The following MAGI2 variants were observed in gnomAD, a reference collection of about 807,000 sequenced individuals.
MAGI2 encodes membrane-associated guanylate kinase, WW and PDZ domain-containing protein 2.
In MAGI2, 35 loss-of-function variants were observed where a neutral mutation model predicts 133.3. The ratio of observed to expected loss-of-function variants is 0.26; its 90% CI spans 0.20 to 0.35. MAGI2 has a LOEUF of 0.35. Among genes scored for constraint, MAGI2 ranks in the 10% least tolerant of loss-of-function variants. The pLI is 1.00. For synonymous variants in MAGI2, 729 were observed against 710.6 expected (o/e 1.03, Z -0.41); for missense variants, 1,636 against 1,863.4 (o/e 0.88, Z 2.25).
chr7:78,680,631 G>A (rs1191118441), intron 2 of MAGI2, among the ~76,000 whole-genome samples: 1 of 152,120 alleles, frequency 6.6e-6, no homozygotes, highest in African/African-American at 2.4e-5. Context: ...GAGTAATTCT[G>A]TTTTTAATAA....
chr7:79,217,992 GA>G (rs559463486), intron 1 of MAGI2, among the ~76,000 whole-genome samples: 1 of 151,380 alleles, frequency 6.6e-6, no homozygotes, highest in Non-Finnish European at 1.5e-5. Flanking sequence ...CTTTTGATTT[GA>G]AAAAAAAGTA....
At chr7:78,487,205 T>C (rs975420) in intron 6 of MAGI2, 164,571 of 237,896 alleles carry the variant, frequency 0.69, 60,050 homozygotes, top group African/African-American at 0.93. Flanking sequence ...AAATACCAAA[T>C]AGCATTGCTA....
intron 1 of MAGI2, among the ~76,000 whole-genome samples, chr7:79,246,572 T>C (rs1409302054): frequency 6.6e-6 from 1 of 152,030 alleles, no homozygotes; most frequent in Non-Finnish European, 1.5e-5. Context: ...ATTAGTGAGC[T>C]TGAAGACAGG....
chr7:78,032,009 CTTTTTTT>C (rs377672697), intron 21 of MAGI2, among the ~76,000 whole-genome samples: 1 of 124,200 alleles, frequency 8.1e-6, no homozygotes, highest in East Asian at 2.5e-4. Context: ...AGCCCCCCCA[CTTTTTTT>C]TTTTTTTTTT....
Position 78,194,978 on chromosome 7 carries a change from G to A in MAGI2, c.2165C>T (p.Ala722Val), listed in dbSNP as rs1457451079. 6.2e-7 allele frequency: 1 copy of A among 1,614,110 alleles called. No individual in the cohort carries two copies. The change falls in exon 12 of 22, where the codon GCC becomes GTC. Residue 722 changes from alanine (A) to valine (V), a missense_variant. Ala to Val is a moderately conservative substitution (Grantham distance 64, BLOSUM62 0). Coordinates refer to ENST00000354212, the MANE Select transcript of MAGI2 (RefSeq NM_012301.4). ...AIPQNLPFPP[A>V]LHRSSFPDST... ...GTCAGGAAAGGAGCTCCTGTGAAGG[G>A]CAGGTGGGAAGGGCAGGTTCTGCGG...
intron 20 of MAGI2, among the ~76,000 whole-genome samples, chr7:78,119,999 G>A (rs1479476814): frequency 2.0e-5 from 3 of 152,124 alleles, no homozygotes; most frequent in East Asian, 3.8e-4. Flanking sequence ...CTACATAAAT[G>A]GATTACATCA....
rs539213571 is a variant in MAGI2, at chr7:79,125,773, G to A, written c.302-118567C>T. The A allele has an allele frequency of 5.8e-6, 3 of 518,698 alleles. No individual in the cohort carries two copies. In the Admixed American group the frequency reaches 5.9e-5, roughly 10 times the overall value. The allele number at this position is 518,698 out of a possible 1,614,324, so 32.1% of individuals were successfully genotyped here. A position where few individuals can be genotyped will look rare whatever the true frequency, so the allele number is the denominator to read the frequency against. ...AAGCCACAAAATCAAGATGGCTGGG[G>A]TGGTTCCAGTGGCAGCAGTAGCTAT... On this transcript the variant is annotated intron_variant, in intron 1 of 21. Coordinates refer to ENST00000354212, the MANE Select transcript of MAGI2 (RefSeq NM_012301.4).
intron 2 of MAGI2, among the ~76,000 whole-genome samples, chr7:78,808,675 T>C (rs535965966): frequency 5.3e-5 from 8 of 152,260 alleles, no homozygotes; most frequent in African/African-American, 1.9e-4. Context: ...AGGGATACAC[T>C]GAGGAAACGC....
intron 10 of MAGI2, among the ~76,000 whole-genome samples, chr7:78,238,539 A>T (rs968050640): frequency 2.6e-5 from 4 of 151,856 alleles, no homozygotes; most frequent in African/African-American, 9.7e-5. Flanking sequence ...TGTCTCAAAA[A>T]AAAAATCTTT....
In MAGI2 at chr7:78,125,601, C is replaced by A. The variant is rs1008379851; in HGVS notation, c.3567+93G>T. The A allele has an allele frequency of 2.2e-6, 3 of 1,360,014 alleles. No homozygotes were observed. In the South Asian group the frequency reaches 4.6e-5, roughly 21 times the overall value. The allele number at this position is 1,360,014 out of a possible 1,614,324, so 84.2% of individuals were successfully genotyped here. A position where few individuals can be genotyped will look rare whatever the true frequency, so the allele number is the denominator to read the frequency against. ...TAGAAAGAGGGCAAACCTACAGCAA[C>A]CCCGCTTGACAGCATGCTTCAGTAC... On this transcript the variant is annotated intron_variant, in intron 20 of 21. Transcript: ENST00000354212.
chr7:78,404,980 T>C (rs1055184823), intron 6 of MAGI2, among the ~76,000 whole-genome samples: 1 of 151,768 alleles, frequency 6.6e-6, no homozygotes, highest in African/African-American at 2.4e-5. Context: ...AAGAAAAAAA[T>C]CAAACAACCC....
At chr7:78,602,448 C>T (rs908222947) in intron 3 of MAGI2, among the ~76,000 whole-genome samples, 7 of 152,204 alleles carry the variant, frequency 4.6e-5, no homozygotes, top group Non-Finnish European at 7.3e-5. Flanking sequence ...GCATGAGCCA[C>T]CATACCCGGC....
chr7:79,434,429 A>C (rs1848001190), intron 1 of MAGI2, among the ~76,000 whole-genome samples: 1 of 152,228 alleles, frequency 6.6e-6, no homozygotes, highest in Admixed American at 6.5e-5. Flanking sequence ...TGATAGTAAA[A>C]AAACTAGGAA....
chr7:78,586,105 A>T (rs893736899), intron 3 of MAGI2, among the ~76,000 whole-genome samples: 1 of 152,202 alleles, frequency 6.6e-6, no homozygotes, highest in African/African-American at 2.4e-5. Flanking sequence ...TCAACCTGTT[A>T]CCTGATTAGC....
At chr7:78,964,249 T>C (rs1803112910) in intron 2 of MAGI2, among the ~76,000 whole-genome samples, 1 of 152,082 alleles carries the variant, frequency 6.6e-6, no homozygotes, top group African/African-American at 2.4e-5. Flanking sequence ...AGTTTGAATT[T>C]TGCAGATTTT....
At chr7:79,347,001 C>T (rs1002794467) in intron 1 of MAGI2, among the ~76,000 whole-genome samples, 3 of 151,914 alleles carry the variant, frequency 2.0e-5, no homozygotes, top group Non-Finnish European at 2.9e-5. Flanking sequence ...TTTTCAGATT[C>T]CCTGGAAATG....
Position 78,054,159 on chromosome 7 carries a change from T to G in MAGI2, c.3706+24788A>C, listed in dbSNP as rs529180725. Among the ~76,000 whole-genome samples the G allele has an allele frequency of 3.9e-5, 6 of 152,358 alleles. No individual in the cohort carries two copies. The South Asian group carries it at 1.2e-3, about 32-fold the overall frequency. Reference sequence around the variant, plus strand: ...TTATTTTTTTGAGATGTGGTCTCGATCTGTCGCCCAGGTTGGAGTGCAGTG... The same window carrying G: ...TTATTTTTTTGAGATGTGGTCTCGAGCTGTCGCCCAGGTTGGAGTGCAGTG... On this transcript the variant is annotated intron_variant, in intron 21 of 21. Transcript: ENST00000354212.
chr7:79,187,903 C>T (rs1445052328), intron 1 of MAGI2, among the ~76,000 whole-genome samples: 1 of 151,136 alleles, frequency 6.6e-6, no homozygotes, highest in East Asian at 2.0e-4. Flanking sequence ...TAAAGTTATG[C>T]AAAAAAAATT....
chr7:78,698,739 G>A (rs958347495), intron 2 of MAGI2, among the ~76,000 whole-genome samples: 10 of 152,118 alleles, frequency 6.6e-5, no homozygotes, highest in African/African-American at 2.2e-4. Context: ...AAGCCAACAC[G>A]TCCTTTTTCA....
Sources: gnomAD v4.1 joint callset for allele counts (sites outside exome capture counted in the v4.1 genomes callset) on GRCh38, gnomAD v4.1.1 for gene constraint, MANE v1.5 for transcripts, NCBI Gene and HGNC (gene_info 2026-07-23, HGNC 2026-07-21) for gene names.